Variants in SCN1A observed in about 807,000 individuals in gnomAD.
SCN1A encodes the protein sodium voltage-gated channel alpha subunit 1.
Under a neutral mutation model 193.7 loss-of-function variants are expected in SCN1A, and 13 were observed. That is an observed-to-expected ratio of 0.07 (90% confidence interval 0.04 to 0.11). The LOEUF (loss-of-function observed/expected upper bound fraction) is 0.11. Among genes scored for constraint, SCN1A ranks in the 10% least tolerant of loss-of-function variants. The probability of loss-of-function intolerance (pLI) is 1.00; values close to 1 mark genes in which losing one functional copy is unlikely to be tolerated. For missense variants in SCN1A, 1,432 were observed against 2,451.1 expected, an observed-to-expected ratio of 0.58 and a Z score of 8.78; for synonymous variants, 781 against 843.6, an observed-to-expected ratio of 0.93 and a Z score of 1.29.
intron 19 of SCN1A, among the ~76,000 whole-genome samples, chr2:166,021,763 C>A (rs1559163867): frequency 6.6e-6 from 1 of 152,106 alleles, no homozygotes; most frequent in Non-Finnish European, 1.5e-5. Context: ...TACCAACATT[C>A]AGTATGTATG....
In SCN1A at chr2:166,041,309, G is replaced by C; in HGVS notation, c.2337C>G (p.Val779=). The change falls in exon 16 of 29, where the codon GTC becomes GTG. Residue 779 remains valine (V), a synonymous_variant. Transcript: ENST00000674923. The part of the protein sequence containing the change: ...FVDLAITICI[V]LNTLFMAMEH... The stretch of plus-strand genomic sequence containing the variant: ...CCATGGCCATGAAAAGAGTATTTAA[G>C]ACAATACAGATGGTGATGGCCAGGT... The C allele has an allele frequency of 1.2e-6, 2 of 1,613,934 alleles. No homozygotes were observed. Among genetic ancestry groups the C allele is most frequent in the Non-Finnish European group, 1.7e-6 (2 of 1,179,908 alleles).
At chr2:166,108,661 T>C (rs1243113247) in intron 2 of SCN1A, among the ~76,000 whole-genome samples, 1 of 152,100 alleles carries the variant, frequency 6.6e-6, no homozygotes. Flanking sequence ...TGCTGTTAGG[T>C]GAGTGAATCT....
chr2:166,022,648 C>G (rs1334845534), intron 19 of SCN1A, among the ~76,000 whole-genome samples: 1 of 152,172 alleles, frequency 6.6e-6, no homozygotes, highest in Non-Finnish European at 1.5e-5. Context: ...GGACCTGTGA[C>G]TTGCTTCTAA....
chr2:166,073,469 T>C lies in SCN1A; in HGVS notation c.153A>G (p.Pro51=). 3 of 1,614,238 alleles carry C rather than the reference T, an allele frequency of 1.9e-6. No homozygotes were observed. The highest frequency in any genetic ancestry group is 1.7e-6 in the Non-Finnish European group (2 of 1,180,030). Residue 51 remains proline (P), a synonymous_variant, in exon 4 of 29, where the codon CCA becomes CCG. Transcript: ENST00000674923. ...KKDDDENGPK[P]NSDLEAGKNL... ...TCTTTCCAGCTTCCAAGTCACTATT[T>C]GGCTTTGGGCCATTTTCGTCGTCAT...
Position 165,985,979 on chromosome 2 carries a change from T to C in SCN1A, c.*5266A>G, listed in dbSNP as rs926048233. The C allele has an allele frequency of 2.6e-5, 4 of 152,148 alleles. No individual in the cohort carries two copies. Among genetic ancestry groups the C allele is most frequent in the African/African-American group, 7.2e-5 (3 of 41,442 alleles). The allele number at this position is 152,148 out of a possible 1,614,324, so 9.4% of individuals were successfully genotyped here. On this transcript the variant is annotated 3_prime_UTR_variant, in exon 29 of 29. Transcript: ENST00000674923. ...ACAGATATACAAACATACAAACTTA[T>C]GCAGTAGAGTTGTCTGTCCCAATGG...
At chr2:166,002,347 A>G in intron 24 of SCN1A, 125 bp downstream of exon 24, 1 of 1,055,884 alleles carries the variant, frequency 9.5e-7, no homozygotes, top group East Asian at 2.6e-5. Context: ...TGTACTAACA[A>G]ATTGAAATTT....
At chr2:166,072,305 T>C (rs745626913) in intron 4 of SCN1A, among the ~76,000 whole-genome samples, 20 of 152,102 alleles carry the variant, frequency 1.3e-4, no homozygotes, top group Non-Finnish European at 2.8e-4. Context: ...AATGCAATAA[T>C]CTTAAAAAAA....
chr2:166,074,519 T>C (rs892655634), intron 3 of SCN1A, among the ~76,000 whole-genome samples: 1 of 152,232 alleles, frequency 6.6e-6, no homozygotes, highest in African/African-American at 2.4e-5. Flanking sequence ...GCTGATTCTA[T>C]AGTCCTATAG....
intron 19 of SCN1A, among the ~76,000 whole-genome samples, chr2:166,029,445 A>T (rs1367368654): frequency 6.6e-6 from 1 of 152,070 alleles, no homozygotes; most frequent in Non-Finnish European, 1.5e-5. Flanking sequence ...AGTAGTGGAG[A>T]TAGTACTCTT....
At chr2:166,040,020 G>A (rs1330002724) in intron 16 of SCN1A, among the ~76,000 whole-genome samples, 2 of 146,062 alleles carry the variant, frequency 1.4e-5, no homozygotes, top group African/African-American at 5.0e-5. Flanking sequence ...CTGGGTTCAC[G>A]CCATTCTCCT....
chr2:165,999,885 A>T, intron 24 of SCN1A, 109 bp from the exon 25 acceptor site: 1 of 870,228 alleles, frequency 1.1e-6, no homozygotes, highest in Non-Finnish European at 1.9e-6. Context: ...TTTTTGAAAG[A>T]CATTTCAAAA....
intron 2 of SCN1A, among the ~76,000 whole-genome samples, chr2:166,090,275 C>T (rs1274638406): frequency 5.9e-5 from 9 of 151,978 alleles, no homozygotes; most frequent in African/African-American, 2.2e-4. Context: ...AAGTGATCCT[C>T]TTGCCTCAGC....
intron 9 of SCN1A, 41 bp from the exon 10 acceptor site, chr2:166,048,990 G>T: frequency 8.1e-7 from 1 of 1,234,302 alleles, no homozygotes; most frequent in Non-Finnish European, 1.2e-6. Context: ...CATTTGCATT[G>T]TTAAAAACAC....
At chr2:166,017,903 G>C (rs1693518786) in intron 19 of SCN1A, among the ~76,000 whole-genome samples, 1 of 151,934 alleles carries the variant, frequency 6.6e-6, no homozygotes, top group Admixed American at 6.6e-5. Context: ...CAAAATAATA[G>C]AATATTAGCA....
chr2:166,055,780 CGAAGGTATCCCCA>C (rs1220844062), intron 6 of SCN1A, among the ~76,000 whole-genome samples: 32 of 152,050 alleles, frequency 2.1e-4, no homozygotes, highest in African/African-American at 7.7e-4. Context: ...CTCTGTGCTT[CGAAGGTATCCCCA>C]GAACAGAGAG....
At position 166,092,562 on chromosome 2, in the gene SCN1A, C is replaced by T. The variant is rs190720612; in HGVS notation, c.-141-14761G>A. The T allele has an allele frequency of 4.6e-5, 7 of 152,414 alleles. No homozygotes were observed. The South Asian group carries it at 6.2e-4, about 14-fold the overall frequency. 9.4% of individuals were successfully genotyped at this position (152,414 alleles called of 1,614,324 possible). A position where few individuals can be genotyped will look rare whatever the true frequency, so the allele number is the denominator to read the frequency against. On this transcript the variant is annotated intron_variant, in intron 2 of 28. Transcript: ENST00000674923. ...TAATTGTTTCGTACAGATGAGGTCT[C>T]GCTATGTTGCCTAGGCTAGTCTTGA...
chr2:166,100,621 A>G (rs1687938410), intron 2 of SCN1A, among the ~76,000 whole-genome samples: 1 of 149,558 alleles, frequency 6.7e-6, no homozygotes, highest in Admixed American at 6.6e-5. Flanking sequence ...CATCTGACAA[A>G]GGGCTAATAT....
chr2:166,033,247 A>G (rs1277628467), intron 19 of SCN1A, among the ~76,000 whole-genome samples: 1 of 152,168 alleles, frequency 6.6e-6, no homozygotes, highest in Non-Finnish European at 1.5e-5. Context: ...CAAAAAGCTG[A>G]AACAGTCTTT....
rs1444682627 is a variant in SCN1A at position 166,041,557 on chromosome 2, G to A, written c.2177-88C>T. On this transcript the variant is annotated intron_variant, in intron 15 of 28. Coordinates refer to ENST00000674923, the MANE Select transcript of SCN1A (RefSeq NM_001165963.4). Reference sequence around the variant, plus strand: ...TTCATATCCACTAAACTTATTTTCAGTAATCAACACATTTTTGTTACAGAG... The same window carrying A: ...TTCATATCCACTAAACTTATTTTCAATAATCAACACATTTTTGTTACAGAG... 3 of 915,320 alleles carry A rather than the reference G, an allele frequency of 3.3e-6. No individual in the cohort carries two copies. In the East Asian group the frequency reaches 7.2e-5, roughly 22 times the overall value. 56.7% of individuals were successfully genotyped at this position (915,320 alleles called of 1,614,324 possible). A position where few individuals can be genotyped will look rare whatever the true frequency, so the allele number is the denominator to read the frequency against.
Sources: allele counts gnomAD v4.1 joint callset (sites outside exome capture counted in the v4.1 genomes callset), GRCh38; gene constraint gnomAD v4.1.1; transcripts MANE v1.5; gene names NCBI Gene and HGNC (gene_info 2026-07-23, HGNC 2026-07-21).